CACNA1C: variants seen among roughly 807,000 people sequenced by gnomAD.
CACNA1C encodes the protein calcium voltage-gated channel subunit alpha1 C, also known as voltage-dependent L-type calcium channel subunit alpha-1C.
In CACNA1C, 30 loss-of-function variants were observed where a neutral mutation model predicts 229.0. The observed-to-expected ratio is 0.13, with a 90% CI of 0.10 to 0.18. The LOEUF is 0.18. Ranked by LOEUF, CACNA1C falls within the 10% of genes least tolerant of loss-of-function variation. CACNA1C has a pLI of 1.00. For missense variants in CACNA1C, 1,658 were observed against 2,845.0 expected (o/e 0.58, Z 9.49); for synonymous variants, 1,114 against 1,132.5 (o/e 0.98, Z 0.33).
chr12:2,222,934 G>A (rs1264368205), intron 3 of CACNA1C, among the ~76,000 whole-genome samples: 1 of 152,148 alleles, frequency 6.6e-6, no homozygotes, highest in Non-Finnish European at 1.5e-5. Context: ...ATTGGAATAA[G>A]GACAAAGGAG....
At chr12:2,123,320 G>T (rs1565836650) in intron 3 of CACNA1C, among the ~76,000 whole-genome samples, 1 of 143,532 alleles carries the variant, frequency 7.0e-6, no homozygotes. Context: ...AGCTTGCAGT[G>T]AGCCGAGATC....
chr12:2,281,600 A>C (rs973124902), intron 3 of CACNA1C, among the ~76,000 whole-genome samples: 3 of 152,188 alleles, frequency 2.0e-5, no homozygotes, highest in African/African-American at 7.2e-5. Context: ...TAAAGCTATG[A>C]TTCCACTGTC....
intron 5 of CACNA1C, among the ~76,000 whole-genome samples, chr12:2,465,013 C>T (rs965476863): frequency 6.6e-6 from 1 of 152,334 alleles, no homozygotes; most frequent in Middle Eastern, 3.4e-3. Context: ...AGGGAAGTTG[C>T]TAAGCCTCTC....
intron 3 of CACNA1C, among the ~76,000 whole-genome samples, chr12:2,339,557 C>A (rs957307844): frequency 1.3e-5 from 2 of 152,212 alleles, no homozygotes; most frequent in Admixed American, 1.3e-4. Context: ...AACACAAACA[C>A]ACAGCTGTAC....
chr12:2,065,936 C>T (rs574325620), intron 1 of CACNA1C, among the ~76,000 whole-genome samples: 23 of 152,172 alleles, frequency 1.5e-4, no homozygotes, highest in African/African-American at 5.1e-4. Context: ...GGGGATAATG[C>T]GTGGAGCACC....
chr12:2,518,657 A>G (rs894828612), intron 9 of CACNA1C, among the ~76,000 whole-genome samples: 1 of 152,138 alleles, frequency 6.6e-6, no homozygotes, highest in African/African-American at 2.4e-5. Context: ...AGATCTCTCG[A>G]TACCTACAAC....
At chr12:2,617,944 C>T (rs572061646) in intron 29 of CACNA1C, among the ~76,000 whole-genome samples, 1 of 152,394 alleles carries the variant, frequency 6.6e-6, no homozygotes, top group Admixed American at 6.5e-5. Context: ...TTAGATTTAG[C>T]ATCTGGCCTC....
Position 2,486,025 on chromosome 12 carries a change from T to C in CACNA1C, c.758-79T>C, listed in dbSNP as rs1158684421. ...GGCTGGCAGTTCCTTCCTTGCAGAG[T>C]TGCTGGAAGATTGCATGAGATGGCG... On this transcript the variant is annotated intron_variant, in intron 5 of 46. Transcript: ENST00000399655. The surrounding 1 kb of genome is among the most constrained non-coding windows in gnomAD (Gnocchi z 4.9). 4 of 1,203,706 alleles carry C rather than the reference T, an allele frequency of 3.3e-6. No individual in the cohort carries two copies. In the African/African-American group the frequency reaches 4.6e-5, roughly 14 times the overall value. The allele number at this position is 1,203,706 out of a possible 1,614,324, so 74.6% of individuals were successfully genotyped here.
chr12:2,232,233 T>G (rs947302957), intron 3 of CACNA1C, among the ~76,000 whole-genome samples: 7 of 131,208 alleles, frequency 5.3e-5, no homozygotes, highest in African/African-American at 2.5e-4. Context: ...CCTTGTTTTT[T>G]TTTTTTTTTT....
chr12:2,138,892 TGTA>T (rs1361044122), intron 3 of CACNA1C, among the ~76,000 whole-genome samples: 1 of 150,694 alleles, frequency 6.6e-6, no homozygotes, highest in Non-Finnish European at 1.5e-5. Context: ...AGTCCCTTCT[TGTA>T]GGAAGTTTTC....
rs1255888042 is a variant in CACNA1C at position 2,593,214 on chromosome 12, A to T, written c.2532A>T (p.Gly844=). The T allele has an allele frequency of 6.2e-7, 1 of 1,613,568 alleles. No homozygotes were observed. The highest frequency in any genetic ancestry group is 8.5e-7 in the Non-Finnish European group (1 of 1,179,720). The change falls in exon 19 of 47, where the codon GGA becomes GGT. Residue 844 remains glycine (G), a splice_region_variant and synonymous_variant. Transcript: ENST00000399655. ...AGAATGGTGCTGTTCTTCTTACAGG[A>T]GAAGAGGATGAGGAGGAGCCAGAGA... The part of the protein sequence containing the change: ...KSPYPNPETT[G]EEDEEEPEMP...
intron 9 of CACNA1C, among the ~76,000 whole-genome samples, chr12:2,522,013 G>C (rs1452218773): frequency 1.3e-5 from 2 of 152,216 alleles, no homozygotes; most frequent in African/African-American, 4.8e-5. Context: ...ACTGCATCTT[G>C]TTTTCCAGAA....
chr12:2,166,866 G>A (rs1292222909), intron 3 of CACNA1C, among the ~76,000 whole-genome samples: 1 of 152,208 alleles, frequency 6.6e-6, no homozygotes, highest in Non-Finnish European at 1.5e-5. Context: ...GCTTCTGAGT[G>A]TGGGAGTGTG....
intron 3 of CACNA1C, among the ~76,000 whole-genome samples, chr12:2,208,755 G>A (rs2097835721): frequency 6.6e-6 from 1 of 152,192 alleles, no homozygotes; most frequent in South Asian, 2.1e-4. Flanking sequence ...CAGAGGTGTA[G>A]GCTATCCATC....
chr12:2,096,721 T>G (rs1565651724), intron 1 of CACNA1C, among the ~76,000 whole-genome samples: 1 of 152,186 alleles, frequency 6.6e-6, no homozygotes, highest in Non-Finnish European at 1.5e-5. Flanking sequence ...ACCAAAACTT[T>G]ATAACCATTA....
intron 3 of CACNA1C, among the ~76,000 whole-genome samples, chr12:2,195,448 G>T (rs2097371421): frequency 1.3e-5 from 2 of 152,200 alleles, no homozygotes; most frequent in African/African-American, 4.8e-5. Flanking sequence ...GATTGAATTG[G>T]ATGCACTTAA....
chr12:2,450,026 G>A (rs2099346119), intron 4 of CACNA1C, among the ~76,000 whole-genome samples: 1 of 152,150 alleles, frequency 6.6e-6, no homozygotes. Flanking sequence ...TATGAAAGGC[G>A]AAGATGACAG....
At chr12:2,425,170 T>C (rs1046702849) in intron 3 of CACNA1C, among the ~76,000 whole-genome samples, 1 of 152,224 alleles carries the variant, frequency 6.6e-6, no homozygotes, top group African/African-American at 2.4e-5. Context: ...AAATAAATTA[T>C]AGTACAGCTA....
chr12:2,642,107 A>G (rs150226036), intron 30 of CACNA1C, among the ~76,000 whole-genome samples: 1 of 152,146 alleles, frequency 6.6e-6, no homozygotes, highest in African/African-American at 2.4e-5. Flanking sequence ...TGCAGGTTTG[A>G]CCCGAAAGGT....
Sources: gnomAD v4.1 joint callset for allele counts (sites outside exome capture counted in the v4.1 genomes callset) on GRCh38, gnomAD v4.1.1 for gene constraint, Gnocchi (gnomAD v3.1) non-coding constraint, MANE v1.5 for transcripts, NCBI Gene and HGNC (gene_info 2026-07-23, HGNC 2026-07-21) for gene names.